The following FHOD3 variants were observed in gnomAD, a reference collection of about 807,000 sequenced individuals.
FHOD3 encodes FH1/FH2 domain-containing protein 3.
FHOD3 carries 90 observed loss-of-function variants against 173.0 expected under a neutral mutation model. The ratio of observed to expected loss-of-function variants is 0.52; its 90% CI spans 0.44 to 0.62. The LOEUF is 0.62. Among genes scored for constraint, FHOD3 ranks in the 20% least tolerant of loss-of-function variants. FHOD3 has a pLI of 0.00. For missense variants in FHOD3, 1,945 were observed against 2,034.7 expected, an observed-to-expected ratio of 0.96 and a Z score of 0.85; for synonymous variants, 828 against 823.0, an observed-to-expected ratio of 1.01 and a Z score of -0.10.
intron 10 of FHOD3, among the ~76,000 whole-genome samples, chr18:36,633,442 T>C (rs1041484749): frequency 1.3e-5 from 2 of 152,232 alleles, no homozygotes; most frequent in Non-Finnish European, 2.9e-5. Context: ...TCTGCCTAAC[T>C]ACCTATTCTA....
chr18:36,509,002 G>T (rs919667980), intron 4 of FHOD3, among the ~76,000 whole-genome samples: 7 of 152,046 alleles, frequency 4.6e-5, no homozygotes, highest in Admixed American at 4.6e-4. Flanking sequence ...ATCACCTCTG[G>T]ATCTACATGC....
At chr18:36,717,633 T>A (rs1004976546) in intron 18 of FHOD3, among the ~76,000 whole-genome samples, 199 bp from the exon 19 acceptor site, 1 of 152,060 alleles carries the variant, frequency 6.6e-6, no homozygotes, top group Non-Finnish European at 1.5e-5. Context: ...GAGTCTTGGG[T>A]CCTGGTGTGG....
intron 5 of FHOD3, among the ~76,000 whole-genome samples, chr18:36,572,697 G>A (rs2058494953): frequency 6.7e-6 from 1 of 148,532 alleles, no homozygotes; most frequent in African/African-American, 2.5e-5. Flanking sequence ...TGGCTTCTTG[G>A]GCACTTGGCC....
chr18:36,358,281 A>G (rs979537425), intron 2 of FHOD3, among the ~76,000 whole-genome samples: 3 of 152,330 alleles, frequency 2.0e-5, no homozygotes, highest in Non-Finnish European at 2.9e-5. Context: ...TGCAAGGACA[A>G]TTGGTCCTGG....
chr18:36,400,487 C>T (rs888594878), intron 3 of FHOD3, among the ~76,000 whole-genome samples: 1 of 152,152 alleles, frequency 6.6e-6, no homozygotes, highest in African/African-American at 2.4e-5. Context: ...ATTGACATTA[C>T]CTAGTTAGAA....
chr18:36,572,045 A>G (rs2058471051), intron 5 of FHOD3, among the ~76,000 whole-genome samples: 1 of 152,174 alleles, frequency 6.6e-6, no homozygotes, highest in Non-Finnish European at 1.5e-5. Context: ...TGTTCATTGG[A>G]GGCACTGTTC....
intron 18 of FHOD3, among the ~76,000 whole-genome samples, chr18:36,717,397 G>A (rs776110808): frequency 6.6e-6 from 1 of 152,180 alleles, no homozygotes; most frequent in Non-Finnish European, 1.5e-5. Flanking sequence ...CTGCACTAGT[G>A]CAGATTTAGA....
intron 20 of FHOD3, among the ~76,000 whole-genome samples, chr18:36,739,435 C>A (rs185510825): frequency 6.6e-6 from 1 of 152,160 alleles, no homozygotes; most frequent in African/African-American, 2.4e-5. Context: ...TGGTTAAAGC[C>A]AAAAACCATC....
chr18:36,515,755 T>C lies in FHOD3; in HGVS notation c.511+3212T>C, dbSNP rs189089967. ...TATTTCCATTGCCACCACCAAAGCC[T>C]TGCCTTCATATTTTCCTTTCTAATA... On this transcript the variant is annotated intron_variant, in intron 5 of 28. Transcript: ENST00000590592. Among the ~76,000 whole-genome samples, 64 of 152,324 alleles carry C rather than the reference T, an allele frequency of 4.2e-4. No homozygotes were observed. The East Asian group carries it at 0.011, about 25-fold the overall frequency.
chr18:36,550,047 C>G (rs551065897), intron 5 of FHOD3, among the ~76,000 whole-genome samples: 4 of 151,838 alleles, frequency 2.6e-5, no homozygotes, highest in Non-Finnish European at 5.9e-5. Flanking sequence ...CCAGCACCAA[C>G]TATTGAAAAA....
intron 1 of FHOD3, among the ~76,000 whole-genome samples, chr18:36,325,881 A>T (rs1354478746): frequency 6.6e-6 from 1 of 152,268 alleles, no homozygotes; most frequent in East Asian, 1.9e-4. Flanking sequence ...TGGGCAGTGC[A>T]GAAGGCTTCT....
Position 36,681,509 on chromosome 18 carries a change from C to A in FHOD3, c.1909C>A (p.Arg637=), listed in dbSNP as rs758818742. 1 of 1,613,532 alleles carries A rather than the reference C, an allele frequency of 6.2e-7. No homozygotes were observed. Among genetic ancestry groups the A allele is most frequent in the South Asian group, 1.1e-5 (1 of 91,024 alleles). ...QESLAAERER[R]RQEREERLQR... ...GTCACTGGCAGCAGAGAGAGAGAGG[C>A]GGCGGCAGGAGAGAGAAGAAAGGTT... The change falls in exon 15 of 29, where the codon CGG becomes AGG. Residue 637 remains arginine, a synonymous_variant. Coordinates refer to ENST00000590592, the MANE Select transcript of FHOD3 (RefSeq NM_001281740.3).
At chr18:36,421,357 G>A (rs1415863689) in intron 3 of FHOD3, among the ~76,000 whole-genome samples, 1 of 152,112 alleles carries the variant, frequency 6.6e-6, no homozygotes, top group Admixed American at 6.6e-5. Context: ...GAGGCATCTG[G>A]ATAGCTTCTT....
intron 14 of FHOD3, among the ~76,000 whole-genome samples, chr18:36,671,125 G>A (rs2037505006): frequency 6.6e-6 from 1 of 152,184 alleles, no homozygotes; most frequent in Non-Finnish European, 1.5e-5. Flanking sequence ...AGTTACTTGA[G>A]GGAAACCTTC....
intron 17 of FHOD3, among the ~76,000 whole-genome samples, chr18:36,708,197 G>T (rs1373225907): frequency 6.6e-6 from 1 of 152,188 alleles, no homozygotes; most frequent in Non-Finnish European, 1.5e-5. Context: ...CAAATCTCCA[G>T]CGTTGATAGG....
In FHOD3 at chr18:36,693,477, C is replaced by T. The variant is rs483351; in HGVS notation, c.2236+54C>T. 0.48 allele frequency: 713,261 copies of T among 1,495,454 alleles called. 171,916 individuals are homozygous for T. The highest frequency in any genetic ancestry group is 0.67 in the East Asian group (28,040 of 42,154). 92.6% of individuals were successfully genotyped at this position (1,495,454 alleles called of 1,614,324 possible). ...GAACAGGTTAACATCAGACAGGCTT[C>T]CTCAGGGCAGTAGTGATGATTTCAA... On this transcript the variant is annotated intron_variant, in intron 17 of 28. Coordinates refer to ENST00000590592, the MANE Select transcript of FHOD3 (RefSeq NM_001281740.3).
At chr18:36,644,139 A>T (rs1398448355) in intron 10 of FHOD3, among the ~76,000 whole-genome samples, 3 of 152,190 alleles carry the variant, frequency 2.0e-5, no homozygotes, top group Non-Finnish European at 4.4e-5. Context: ...GGTGAAAAGG[A>T]AGATACCTAA....
At chr18:36,301,083 G>A (rs151088956) in intron 1 of FHOD3, among the ~76,000 whole-genome samples, 4 of 152,274 alleles carry the variant, frequency 2.6e-5, no homozygotes, top group East Asian at 3.9e-4. Flanking sequence ...ATACAAAAAA[G>A]TGTACAGGGT....
At chr18:36,434,744 A>G (rs2050724798) in intron 3 of FHOD3, among the ~76,000 whole-genome samples, 1 of 152,090 alleles carries the variant, frequency 6.6e-6, no homozygotes, top group Non-Finnish European at 1.5e-5. Flanking sequence ...GCAAAGTTTT[A>G]TAATTTTCAG....
Sources: gnomAD v4.1 joint callset for allele counts (sites outside exome capture counted in the v4.1 genomes callset) on GRCh38, gnomAD v4.1.1 for gene constraint, MANE v1.5 for transcripts, NCBI Gene and HGNC (gene_info 2026-07-23, HGNC 2026-07-21) for gene names.